The following AMPD3 variants were observed in gnomAD, a reference collection of about 807,000 sequenced individuals.
The protein encoded by AMPD3 is AMP deaminase 3.
AMPD3 carries 57 observed loss-of-function variants against 82.3 expected under a neutral mutation model. The observed-to-expected ratio is 0.69, with a 90% CI of 0.56 to 0.86. The LOEUF is 0.86. AMPD3 is among the 40% of genes least tolerant of loss of function. AMPD3 has a pLI of 0.00. For synonymous variants in AMPD3, 381 were observed against 394.7 expected, an observed-to-expected ratio of 0.97 and a Z score of 0.41; for missense variants, 870 against 1,003.8, an observed-to-expected ratio of 0.87 and a Z score of 1.80.
At chr11:10,499,567 A>G (rs1849518590) in intron 10 of AMPD3, 1 of 768,244 alleles carries the variant, frequency 1.3e-6, no homozygotes, top group Non-Finnish European at 1.6e-6. Context: ...TGGTTTGCTC[A>G]ATTGTAAAAT....
At chr11:10,474,868 C>T (rs1281932287) in intron 2 of AMPD3, among the ~76,000 whole-genome samples, 2 of 152,114 alleles carry the variant, frequency 1.3e-5, no homozygotes, top group African/African-American at 2.4e-5. Flanking sequence ...AATGCTGGCG[C>T]CCCAGGGGCT....
chr11:10,505,593 A>G, intron 14 of AMPD3, 115 bp from the exon 15 acceptor site: 4 of 1,528,190 alleles, frequency 2.6e-6, no homozygotes, highest in Non-Finnish European at 3.5e-6. Context: ...CTGACCAAAG[A>G]TCTGCTTCAG....
In AMPD3 at chr11:10,456,269, C is replaced by A. The variant is rs1223993225; in HGVS notation, c.-6+821C>A. ...ATATGCAAAACAGAGACCTCCTACTCCAGCCGGCAGACAGGACCCAGCCAG... is the reference window on the plus strand; with the variant it reads ...ATATGCAAAACAGAGACCTCCTACTACAGCCGGCAGACAGGACCCAGCCAG... On this transcript the variant is annotated intron_variant, in intron 1 of 14. Transcript: ENST00000396553. This position sits in a 1 kb window ranked among gnomAD's most constrained non-coding sequence, Gnocchi z 4.3. 2.6e-5 allele frequency: 40 copies of A among 1,568,332 alleles called. 1 individual carries two copies. The South Asian group carries it at 3.5e-4, about 14-fold the overall frequency.
chr11:10,455,940 C>T, intron 1 of AMPD3: 2 of 985,392 alleles, frequency 2.0e-6, no homozygotes, highest in Non-Finnish European at 2.4e-6. Flanking sequence ...GATGATATCG[C>T]TCGTTGCTAC....
intron 2 of AMPD3, 133 bp downstream of exon 2, chr11:10,461,873 G>A: frequency 1.2e-6 from 1 of 845,288 alleles, no homozygotes; most frequent in South Asian, 1.4e-5. Context: ...CCTTAACCAA[G>A]ACCACTTAAC....
chr11:10,480,372 G>C (rs1425148229), intron 3 of AMPD3, among the ~76,000 whole-genome samples: 1 of 152,190 alleles, frequency 6.6e-6, no homozygotes, highest in Admixed American at 6.5e-5. Flanking sequence ...TTTTGTCTAG[G>C]ATGTCGGTGT....
chr11:10,484,707 G>GTT (rs1849012039), intron 4 of AMPD3, 113 bp from the exon 5 acceptor site: 16 of 1,354,366 alleles, frequency 1.2e-5, no homozygotes, highest in Middle Eastern at 2.5e-4. Context: ...ATGCGGGGCC[G>GTT]GCGCAGGGTT....
At chr11:10,485,887 C>T (rs949537726) in intron 5 of AMPD3, among the ~76,000 whole-genome samples, 2 of 151,928 alleles carry the variant, frequency 1.3e-5, no homozygotes, top group Non-Finnish European at 1.5e-5. Flanking sequence ...TCAGTAATAC[C>T]TGGACTCTGT....
intron 10 of AMPD3, chr11:10,498,412 A>T (rs1849483126): frequency 6.5e-6 from 1 of 153,156 alleles, no homozygotes; most frequent in Non-Finnish European, 1.5e-5. Flanking sequence ...CGCATTTTGC[A>T]CCCGAGGCTG....
In AMPD3 at chr11:10,484,993, A is replaced by T; in HGVS notation, c.763A>T (p.Thr255Ser). Residue 255 changes from threonine to serine, a missense_variant, in exon 5 of 15, where the codon ACG becomes TCG. By Grantham distance (58) the Thr-to-Ser change is moderately conservative. Transcript: ENST00000396553. ...SLPYPDLETY[T>S]VDMSHILALI... ...ACCCTACCCCGACCTGGAGACCTAC[A>T]CGGTGGACATGAGCCACATCCTGGC... The T allele has an allele frequency of 6.2e-7, 1 of 1,613,986 alleles. No homozygotes were observed.
chr11:10,490,671 T>G (rs1849214055), intron 6 of AMPD3: 2 of 984,860 alleles, frequency 2.0e-6, no homozygotes, highest in African/African-American at 3.5e-5. Context: ...TTTCCTCATT[T>G]ATCTTGTGAC....
At chr11:10,505,242 T>C in intron 14 of AMPD3, 1 of 985,194 alleles carries the variant, frequency 1.0e-6, no homozygotes, top group Non-Finnish European at 1.2e-6. Flanking sequence ...ATGTCACTGG[T>C]TGGGAAGAGG....
chr11:10,457,217 A>G (rs1334584395), intron 1 of AMPD3, among the ~76,000 whole-genome samples: 1 of 151,892 alleles, frequency 6.6e-6, no homozygotes, highest in Non-Finnish European at 1.5e-5. Context: ...CCTGGCCTCA[A>G]GCGATCCTCT....
At chr11:10,482,309 C>A in intron 4 of AMPD3, 84 bp downstream of exon 4, 1 of 1,458,968 alleles carries the variant, frequency 6.9e-7, no homozygotes, top group Non-Finnish European at 9.4e-7. Context: ...CGGTCTATTT[C>A]CCCTGATAGT....
intron 10 of AMPD3, among the ~76,000 whole-genome samples, chr11:10,497,230 C>A (rs1849432577): frequency 6.6e-6 from 1 of 152,012 alleles, no homozygotes; most frequent in Non-Finnish European, 1.5e-5. Context: ...GAACTCGGTT[C>A]CTGCCAGGTG....
Position 10,484,905 on chromosome 11 carries a change from G to A in AMPD3, c.675G>A (p.Gln225=), listed in dbSNP as rs764866612. The A allele has an allele frequency of 1.9e-6, 3 of 1,613,966 alleles. No individual in the cohort carries two copies. In the East Asian group the frequency reaches 6.7e-5, roughly 36 times the overall value. ...PPNLDYLVHM[Q]GGILFVYDNK... ...ACCTGGATTACTTGGTCCACATGCA[G>A]GGGGGCATCCTCTTTGTGTATGATA... The change falls in exon 5 of 15, where the codon CAG becomes CAA. Residue 225 remains glutamine, a synonymous_variant. Coordinates refer to ENST00000396553, the MANE Select transcript of AMPD3 (RefSeq NM_001025389.2).
At chr11:10,499,899 G>A in intron 10 of AMPD3, 187 bp from the exon 11 acceptor site, 1 of 984,882 alleles carries the variant, frequency 1.0e-6, no homozygotes, top group Non-Finnish European at 1.2e-6. Context: ...GGCAGACCTT[G>A]GTGTTGTACC....
At chr11:10,493,707 G>A in intron 7 of AMPD3, 164 bp downstream of exon 7, 1 of 832,566 alleles carries the variant, frequency 1.2e-6, no homozygotes, top group Non-Finnish European at 2.0e-6. Flanking sequence ...TAACAGGTCT[G>A]GGGCAGCCAT....
intron 5 of AMPD3, chr11:10,486,580 A>G: frequency 3.0e-6 from 3 of 985,370 alleles, no homozygotes; most frequent in Non-Finnish European, 3.6e-6. Flanking sequence ...TCTCGGTAAC[A>G]AATATCCCTA....
Sources: allele counts gnomAD v4.1 joint callset (sites outside exome capture counted in the v4.1 genomes callset), GRCh38; gene constraint gnomAD v4.1.1; non-coding constraint Gnocchi (gnomAD v3.1); transcripts MANE v1.5; gene names NCBI Gene and HGNC (gene_info 2026-07-23, HGNC 2026-07-21).